The following CALN1 variants were observed in gnomAD, a reference collection of about 807,000 sequenced individuals.
CALN1 encodes the protein calcium-binding protein 8.
In CALN1, 17 loss-of-function variants were observed where a neutral mutation model predicts 30.6. The observed-to-expected ratio is 0.56, with a 90% CI of 0.38 to 0.83. The LOEUF (loss-of-function observed/expected upper bound fraction) is 0.83, where lower values mean the gene tolerates loss of function less well. CALN1 is among the 40% of genes least tolerant of loss of function. The pLI, the probability that CALN1 is intolerant of heterozygous loss-of-function variation, is 0.00. For synonymous variants in CALN1, 156 were observed against 131.4 expected (o/e 1.19, Z -1.28); for missense variants, 291 against 354.9 (o/e 0.82, Z 1.45).
the CALN1 span, among the ~76,000 whole-genome samples, chr7:72,469,988 A>G: frequency 2.0e-5 from 3 of 152,182 alleles, no homozygotes; most frequent in African/African-American, 4.8e-5. Context: ...CTGCAGAGCC[A>G]GTGTAGAATT....
Position 71,801,428 on chromosome 7 carries a change from GTATCTATC to G in CALN1, c.658+8900_658+8907del, listed in dbSNP as rs58500083. Among the ~76,000 whole-genome samples, 679 of 87,692 alleles carry G rather than the reference GTATCTATC, an allele frequency of 7.7e-3. 11 individuals are homozygous for G. Among genetic ancestry groups the G allele is most frequent in the African/African-American group, 0.025 (565 of 22,670 alleles). The allele number at this position is 87,692 out of a possible 152,430, so 57.5% of individuals were successfully genotyped here. ...TGTATGTATGTATGTATGTATGTAT[GTATCTATC>G]TATCTATCTATCTATCTATCTATCT... On this transcript the variant is annotated intron_variant, in intron 6 of 6. Coordinates refer to ENST00000395275, the MANE Select transcript of CALN1 (RefSeq NM_031468.4).
At chr7:71,952,320 T>C (rs1796733317) in intron 5 of CALN1, among the ~76,000 whole-genome samples, 1 of 152,156 alleles carries the variant, frequency 6.6e-6, no homozygotes, top group Non-Finnish European at 1.5e-5. Context: ...CTCCCAGTCA[T>C]TTCTGCCTTT....
chr7:72,005,968 G>A (rs924072729), intron 5 of CALN1, among the ~76,000 whole-genome samples: 3 of 152,310 alleles, frequency 2.0e-5, no homozygotes, highest in African/African-American at 4.8e-5. Context: ...GGGGAACTCC[G>A]AAGACTATTA....
intron 3 of CALN1, among the ~76,000 whole-genome samples, chr7:72,191,974 G>A (rs187778813): frequency 5.3e-5 from 8 of 152,158 alleles, no homozygotes; most frequent in East Asian, 1.9e-4. Context: ...CTTCGATGGC[G>A]ATTACCTTTA....
At chr7:71,955,962 A>G (rs1164263957) in intron 5 of CALN1, among the ~76,000 whole-genome samples, 2 of 150,198 alleles carry the variant, frequency 1.3e-5, no homozygotes, top group African/African-American at 4.9e-5. Flanking sequence ...CAACCGAGAT[A>G]GTATAGACTG....
At chr7:72,061,441 CT>C (rs1285430187) in intron 4 of CALN1, among the ~76,000 whole-genome samples, 2 of 151,518 alleles carry the variant, frequency 1.3e-5, no homozygotes, top group Non-Finnish European at 2.9e-5. Flanking sequence ...TGCAAATCCT[CT>C]CGAGAGGAAT....
chr7:71,893,718 A>G (rs916897149), intron 5 of CALN1, among the ~76,000 whole-genome samples: 1 of 151,858 alleles, frequency 6.6e-6, no homozygotes, highest in Non-Finnish European at 1.5e-5. Flanking sequence ...AAAAAGAATA[A>G]GGTGCTTCTG....
chr7:71,843,633 A>G (rs1307947332), intron 5 of CALN1, among the ~76,000 whole-genome samples: 1 of 152,078 alleles, frequency 6.6e-6, no homozygotes, highest in African/African-American at 2.4e-5. Context: ...TAAAAAACAA[A>G]CAAACAAACA....
intron 5 of CALN1, among the ~76,000 whole-genome samples, chr7:71,915,752 C>T (rs954071397): frequency 6.7e-6 from 1 of 149,822 alleles, no homozygotes; most frequent in Non-Finnish European, 1.5e-5. Flanking sequence ...ACCAACCAAA[C>T]AAAAAAAAAA....
chr7:72,023,588 T>A (rs1800855457), intron 5 of CALN1, 69 bp downstream of exon 5: 1 of 1,153,334 alleles, frequency 8.7e-7, no homozygotes, highest in African/African-American at 1.5e-5. Context: ...AGTTCAAGAA[T>A]TCAGTCAAAA....
Position 72,157,186 on chromosome 7 carries a change from C to CAT in CALN1, c.245-50893_245-50892insAT, listed in dbSNP as rs1563106424. Among the ~76,000 whole-genome samples the CAT allele has an allele frequency of 4.6e-5, 7 of 152,074 alleles. No individual in the cohort carries two copies. In the East Asian group the frequency reaches 7.7e-4, roughly 17 times the overall value. On this transcript the variant is annotated intron_variant, in intron 3 of 6. Transcript: ENST00000395275. ...CAGAGCTCATTCATTCATTCATTCA[C>CAT]TTACCCATTTGGCAAATATTTGTTG...
At chr7:71,834,233 A>C (rs575571390) in intron 5 of CALN1, among the ~76,000 whole-genome samples, 1 of 139,702 alleles carries the variant, frequency 7.2e-6, no homozygotes, top group Non-Finnish European at 1.6e-5. Context: ...AAAAAAAAAA[A>C]AAAAAACCAA....
chr7:72,189,350 A>T (rs1790441246), intron 3 of CALN1, among the ~76,000 whole-genome samples: 1 of 152,222 alleles, frequency 6.6e-6, no homozygotes, highest in African/African-American at 2.4e-5. Context: ...CTTTTACAGA[A>T]AAGAATTTTG....
the CALN1 span, among the ~76,000 whole-genome samples, chr7:72,462,256 A>T: frequency 6.6e-6 from 1 of 152,122 alleles, no homozygotes; most frequent in Non-Finnish European, 1.5e-5. Flanking sequence ...ACTGTAGCTC[A>T]CTGGAGCCTC....
At chr7:71,951,433 A>G (rs888986194) in intron 5 of CALN1, among the ~76,000 whole-genome samples, 34 of 152,168 alleles carry the variant, frequency 2.2e-4, no homozygotes, top group African/African-American at 7.2e-4. Flanking sequence ...TCTACTAAAA[A>G]TACAAAAATT....
In CALN1 at chr7:71,818,446, G is replaced by C. The variant is rs566176539; in HGVS notation, c.502-7954C>G. ...GCCAGGAGAAGGTGGGAAGGAATGA[G>C]GTGAGGGATATGGGTGGGGCACTAG... On this transcript the variant is annotated intron_variant, in intron 5 of 6. Coordinates refer to ENST00000395275, the MANE Select transcript of CALN1 (RefSeq NM_031468.4). Among the ~76,000 whole-genome samples, 7 of 152,254 alleles carry C rather than the reference G, an allele frequency of 4.6e-5. No homozygotes were observed. In the East Asian group the frequency reaches 9.6e-4, roughly 21 times the overall value.
chr7:71,994,040 C>G (rs1343521886), intron 5 of CALN1, among the ~76,000 whole-genome samples: 1 of 152,072 alleles, frequency 6.6e-6, no homozygotes, highest in Non-Finnish European at 1.5e-5. Flanking sequence ...ATAATATTTT[C>G]AGATCTGCAA....
At chr7:71,879,169 T>G (rs1792424012) in intron 5 of CALN1, among the ~76,000 whole-genome samples, 2 of 152,224 alleles carry the variant, frequency 1.3e-5, no homozygotes, top group South Asian at 4.1e-4. Flanking sequence ...AGTGTATTTC[T>G]TCAATTTAAG....
intron 2 of CALN1, among the ~76,000 whole-genome samples, chr7:72,334,306 A>G (rs986181866): frequency 3.9e-5 from 6 of 152,214 alleles, no homozygotes; most frequent in African/African-American, 9.6e-5. Context: ...AGAATGTGGT[A>G]AAAGACACCA....
Sources: allele counts gnomAD v4.1 joint callset (sites outside exome capture counted in the v4.1 genomes callset), GRCh38; gene constraint gnomAD v4.1.1; transcripts MANE v1.5; gene names NCBI Gene and HGNC (gene_info 2026-07-23, HGNC 2026-07-21).